PLCG2: variants seen among roughly 807,000 people sequenced by gnomAD.
PLCG2 encodes phospholipase C gamma 2.
A neutral mutation model predicts 175.6 loss-of-function variants in PLCG2; 69 were observed. The observed-to-expected ratio is 0.39, with a 90% CI of 0.32 to 0.48. The LOEUF (loss-of-function observed/expected upper bound fraction) is 0.48. Ranked by LOEUF, PLCG2 falls within the 20% of genes least tolerant of loss-of-function variation. The pLI is 0.91. For missense variants in PLCG2, 1,798 were observed against 1,650.9 expected (o/e 1.09, Z -1.54); for synonymous variants, 827 against 624.0 (o/e 1.33, Z -4.85).
At chr16:81,784,580 C>T (rs1390356518) in intron 1 of PLCG2, among the ~76,000 whole-genome samples, 1 of 152,188 alleles carries the variant, frequency 6.6e-6, no homozygotes, top group African/African-American at 2.4e-5. Flanking sequence ...CAACTCCAGG[C>T]ACCTCCAGGG....
At chr16:81,857,192 C>G (rs188516148) in intron 3 of PLCG2, among the ~76,000 whole-genome samples, 1 of 152,102 alleles carries the variant, frequency 6.6e-6, no homozygotes, top group African/African-American at 2.4e-5. Flanking sequence ...TTGATGTCTC[C>G]GTCATCCCTC....
chr16:81,887,696 C>T (rs77689689), intron 9 of PLCG2, among the ~76,000 whole-genome samples: 2,380 of 152,278 alleles, frequency 0.016, 19 homozygotes, highest in Non-Finnish European at 0.024. Flanking sequence ...ACACACACAT[C>T]TGGTCGCATA....
chr16:81,952,771 G>T (rs1028499280), intron 31 of PLCG2, among the ~76,000 whole-genome samples: 2 of 152,164 alleles, frequency 1.3e-5, no homozygotes, highest in Non-Finnish European at 2.9e-5. Context: ...AATCACTATT[G>T]AAACAGCATA....
In PLCG2 at chr16:81,939,898, A is replaced by G; in HGVS notation, c.3320A>G (p.Asn1107Ser). The G allele has an allele frequency of 6.2e-7, 1 of 1,612,684 alleles. No homozygotes were observed. Among genetic ancestry groups the G allele is most frequent in the Non-Finnish European group, 8.5e-7 (1 of 1,178,692 alleles). The change falls in exon 30 of 33, where the codon AAT (asparagine) becomes AGT (serine). Residue 1107 changes from asparagine (N) to serine (S), a missense_variant. Physicochemically the swap from Asn to Ser is conservative, Grantham distance 46 (BLOSUM62 1). Transcript: ENST00000564138. ...AGCTTTGATCTCCTTCCAGATGATA[A>G]TGGCCTCAGCCCTATCTGGGCTCCA... ...NKFKTTVVND[N>S]GLSPIWAPTQ...
At chr16:81,802,062 C>G (rs148120124) in intron 2 of PLCG2, among the ~76,000 whole-genome samples, 96 of 128,572 alleles carry the variant, frequency 7.5e-4, no homozygotes, top group African/African-American at 2.6e-3. Context: ...AATGAAAAAA[C>G]TAGAAGTTAG....
chr16:81,805,890 T>C (rs1317326712), intron 2 of PLCG2, among the ~76,000 whole-genome samples: 1 of 148,282 alleles, frequency 6.7e-6, no homozygotes, highest in Non-Finnish European at 1.5e-5. Flanking sequence ...TCCTCCCAGC[T>C]CAGCCTCCTG....
intron 5 of PLCG2, among the ~76,000 whole-genome samples, chr16:81,865,783 G>T (rs528066131): frequency 3.4e-4 from 48 of 140,502 alleles, no homozygotes; most frequent in Admixed American, 4.2e-4. Context: ...CCTCTCCCTT[G>T]CTCCCAGGAT....
chr16:81,803,821 A>G (rs901014582), intron 2 of PLCG2, among the ~76,000 whole-genome samples: 2 of 151,852 alleles, frequency 1.3e-5, no homozygotes, highest in Non-Finnish European at 2.9e-5. Context: ...GGCTGGGATT[A>G]CAGGCGTGTA....
chr16:81,929,712 A>C (rs1300410970), intron 24 of PLCG2, among the ~76,000 whole-genome samples: 2 of 152,220 alleles, frequency 1.3e-5, no homozygotes, highest in Admixed American at 6.5e-5. Flanking sequence ...CCACATTTAT[A>C]ACCTGCTTCT....
chr16:81,941,306 C>A (rs1910930155), intron 30 of PLCG2, among the ~76,000 whole-genome samples: 1 of 152,170 alleles, frequency 6.6e-6, no homozygotes, highest in Admixed American at 6.5e-5. Context: ...GCTGAGGTTG[C>A]ACCACTGCAC....
intron 7 of PLCG2, among the ~76,000 whole-genome samples, chr16:81,874,966 T>A (rs796535255): frequency 1.4e-5 from 2 of 144,346 alleles, no homozygotes; most frequent in Non-Finnish European, 3.0e-5. Flanking sequence ...TTTTTTTTTT[T>A]TTTTTTTTTT....
chr16:81,887,582 T>G (rs962378270), intron 9 of PLCG2, among the ~76,000 whole-genome samples: 8 of 152,228 alleles, frequency 5.3e-5, no homozygotes, highest in African/African-American at 1.9e-4. Context: ...CATTTTTGTC[T>G]TGCACCCATG....
At chr16:81,922,656 CTG>C (rs1381174532) in intron 21 of PLCG2, among the ~76,000 whole-genome samples, 1 of 152,164 alleles carries the variant, frequency 6.6e-6, no homozygotes, top group African/African-American at 2.4e-5. Context: ...ACTCTGTAGC[CTG>C]TGTTCTGAGG....
intron 13 of PLCG2, among the ~76,000 whole-genome samples, chr16:81,900,348 T>C (rs1597118230): frequency 6.6e-6 from 1 of 152,130 alleles, no homozygotes. Flanking sequence ...AAGATATGAA[T>C]AGATGGAAAA....
intron 1 of PLCG2, among the ~76,000 whole-genome samples, chr16:81,745,719 A>G (rs922985898): frequency 1.3e-5 from 2 of 152,214 alleles, no homozygotes; most frequent in African/African-American, 4.8e-5. Flanking sequence ...TTTTCCCTGT[A>G]AATCTCAGGT....
At chr16:81,756,452 C>T (rs1424107884) in intron 2 of PLCG2, among the ~76,000 whole-genome samples, 4 of 152,182 alleles carry the variant, frequency 2.6e-5, no homozygotes, top group Admixed American at 6.5e-5. Context: ...GATGAGGGAA[C>T]GGAGGCAGAG....
intron 13 of PLCG2, chr16:81,898,059 A>G (rs1908976391): frequency 3.0e-6 from 1 of 332,652 alleles, no homozygotes; most frequent in Admixed American, 4.1e-5. Flanking sequence ...TGGTATTAAC[A>G]GACACTGTGC....
At chr16:81,950,222 G>T (rs1257068979) in intron 31 of PLCG2, among the ~76,000 whole-genome samples, 2 of 152,126 alleles carry the variant, frequency 1.3e-5, no homozygotes, top group African/African-American at 2.4e-5. Context: ...AGGCCTAAAG[G>T]CAAGGTAAAT....
intron 7 of PLCG2, among the ~76,000 whole-genome samples, chr16:81,872,696 A>G (rs938031080): frequency 4.6e-5 from 7 of 152,228 alleles, no homozygotes; most frequent in African/African-American, 1.7e-4. Flanking sequence ...TTCCCAGAGA[A>G]AGGTGTGAGG....
Sources: gnomAD v4.1 joint callset for allele counts (sites outside exome capture counted in the v4.1 genomes callset) on GRCh38, gnomAD v4.1.1 for gene constraint, MANE v1.5 for transcripts, NCBI Gene and HGNC (gene_info 2026-07-23, HGNC 2026-07-21) for gene names.